The following HYKK variants were observed in gnomAD, a reference collection of about 807,000 sequenced individuals.
HYKK encodes hydroxylysine kinase.
In HYKK, 19 loss-of-function variants were observed where a neutral mutation model predicts 29.7. The observed-to-expected ratio is 0.64, with a 90% CI of 0.45 to 0.94. The LOEUF (loss-of-function observed/expected upper bound fraction) is 0.94, where lower values mean the gene tolerates loss of function less well. HYKK is among the 40% of genes least tolerant of loss of function. HYKK has a pLI of 0.00. For synonymous variants in HYKK, 152 were observed against 158.1 expected (o/e 0.96, Z 0.29); for missense variants, 390 against 443.4 (o/e 0.88, Z 1.08).
intron 4 of HYKK, chr15:78,528,884 C>A: frequency 1.0e-6 from 1 of 976,640 alleles, no homozygotes; most frequent in Non-Finnish European, 1.2e-6. Flanking sequence ...TGTTTCCTTA[C>A]TCCGTGTAAA....
At chr15:78,508,556 G>C (rs1312415325) in intron 1 of HYKK, among the ~76,000 whole-genome samples, 1 of 152,092 alleles carries the variant, frequency 6.6e-6, no homozygotes, top group Admixed American at 6.6e-5. Flanking sequence ...GCAGATCTTG[G>C]AGTTGGAAAT....
chr15:78,529,313 G>C lies in HYKK; in HGVS notation c.661+1750G>C, dbSNP rs936017141. On this transcript the variant is annotated intron_variant, in intron 4 of 4. Transcript: ENST00000388988. ...ACCACACATTATTCTACTCTTAAAAGATACTTGGGTTGTTCCTTATTTGGG... is the reference window on the plus strand; with the variant it reads ...ACCACACATTATTCTACTCTTAAAACATACTTGGGTTGTTCCTTATTTGGG... 3.9e-5 allele frequency among the ~76,000 whole-genome samples: 6 copies of C among 152,228 alleles called. No individual in the cohort carries two copies. In the East Asian group the frequency reaches 1.2e-3, roughly 29 times the overall value.
chr15:78,526,354 T>C (rs1487590379), intron 3 of HYKK, among the ~76,000 whole-genome samples: 10 of 152,024 alleles, frequency 6.6e-5, no homozygotes, highest in Non-Finnish European at 1.3e-4. Context: ...CTATGACAAA[T>C]GTTAGCAATA....
chr15:78,519,760 CAAAAAA>C (rs1246047867), intron 3 of HYKK, among the ~76,000 whole-genome samples: 3 of 151,298 alleles, frequency 2.0e-5, no homozygotes, highest in Non-Finnish European at 2.9e-5. Context: ...GACAACGTCT[CAAAAAA>C]AACAAAAACA....
At chr15:78,516,138 G>C (rs528658838) in intron 3 of HYKK, among the ~76,000 whole-genome samples, 1 of 151,926 alleles carries the variant, frequency 6.6e-6, no homozygotes, top group Non-Finnish European at 1.5e-5. Context: ...ACAATATAAT[G>C]TATGACAGGT....
chr15:78,531,486 A>G (rs1050336524), intron 4 of HYKK, among the ~76,000 whole-genome samples: 4 of 152,074 alleles, frequency 2.6e-5, no homozygotes, highest in African/African-American at 4.8e-5. Flanking sequence ...ATGATTACAG[A>G]TTGCCTATTT....
At chr15:78,527,622 A>G in intron 4 of HYKK, 59 bp downstream of exon 4, 1 of 1,591,934 alleles carries the variant, frequency 6.3e-7, no homozygotes, top group Non-Finnish European at 8.6e-7. Context: ...ATTTCATATC[A>G]TCAGAAAAGT....
chr15:78,521,103 T>C (rs575077521), intron 3 of HYKK, among the ~76,000 whole-genome samples: 84 of 152,328 alleles, frequency 5.5e-4, no homozygotes, highest in African/African-American at 1.9e-3. Flanking sequence ...TGGCCGAGGC[T>C]GTGGCTGCTC....
Position 78,533,715 on chromosome 15 carries a change from T to G in HYKK, c.*45T>G. 7.2e-7 allele frequency: 1 copy of G among 1,393,502 alleles called. No individual in the cohort carries two copies. The highest frequency in any genetic ancestry group is 1.0e-6 in the Non-Finnish European group (1 of 993,746). 86.3% of individuals were successfully genotyped at this position (1,393,502 alleles called of 1,614,324 possible). A position where few individuals can be genotyped will look rare whatever the true frequency, so the allele number is the denominator to read the frequency against. On this transcript the variant is annotated 3_prime_UTR_variant, in exon 5 of 5. Transcript: ENST00000388988. The stretch of plus-strand genomic sequence containing the variant: ...CAAAGTTCACTTTAACTTGGGTAAT[T>G]AAAATAGGACCCAGTCAAATTTTAG...
chr15:78,533,977 TTAA>T lies in HYKK; in HGVS notation c.*309_*311del, dbSNP rs1206405718. 3.9e-6 allele frequency: 1 copy of T among 256,124 alleles called. No individual in the cohort carries two copies. The highest frequency in any genetic ancestry group is 7.4e-6 in the Non-Finnish European group (1 of 134,928). The allele number at this position is 256,124 out of a possible 1,614,324, so 15.9% of individuals were successfully genotyped here. ...CACAAGATCTATTCCTGCCCTGAGA[TTAA>T]TGACTATTTTAATTTTAAAAATAAT... On this transcript the variant is annotated 3_prime_UTR_variant, in exon 5 of 5. Coordinates refer to ENST00000388988, the MANE Select transcript of HYKK (RefSeq NM_001013619.4).
At chr15:78,530,310 C>T (rs562659201) in intron 4 of HYKK, among the ~76,000 whole-genome samples, 68 of 151,846 alleles carry the variant, frequency 4.5e-4, no homozygotes, top group Non-Finnish European at 8.5e-4. Flanking sequence ...AAGAGATTCT[C>T]CTGCTGCAGC....
intron 3 of HYKK, 35 bp from the exon 4 acceptor site, chr15:78,527,345 G>T: frequency 6.4e-7 from 1 of 1,563,178 alleles, no homozygotes; most frequent in Non-Finnish European, 8.8e-7. Flanking sequence ...TGGTTGCTCT[G>T]TCAAGAGACT....
chr15:78,527,348 A>C, intron 3 of HYKK, 32 bp from the exon 4 acceptor site: 1 of 1,606,854 alleles, frequency 6.2e-7, no homozygotes, highest in Non-Finnish European at 8.5e-7. Flanking sequence ...TTGCTCTGTC[A>C]AGAGACTAAG....
intron 3 of HYKK, among the ~76,000 whole-genome samples, chr15:78,523,550 T>G (rs1459752195): frequency 6.6e-6 from 1 of 152,196 alleles, no homozygotes; most frequent in Non-Finnish European, 1.5e-5. Flanking sequence ...TGTCATGTCC[T>G]TCTTCCAATG....
At chr15:78,529,412 C>T (rs1242449224) in intron 4 of HYKK, among the ~76,000 whole-genome samples, 2 of 152,108 alleles carry the variant, frequency 1.3e-5, no homozygotes, top group Non-Finnish European at 2.9e-5. Flanking sequence ...GAGTGTATAC[C>T]TTGCGATAGG....
chr15:78,533,867 C>T lies in HYKK; in HGVS notation c.*197C>T. On this transcript the variant is annotated 3_prime_UTR_variant, in exon 5 of 5. Coordinates refer to ENST00000388988, the MANE Select transcript of HYKK (RefSeq NM_001013619.4). ...CAATTTTTTAAAATTCACAAAAGTA[C>T]CACAAGCAAGCATATTTTTCTGTGA... 1 of 574,874 alleles carries T rather than the reference C, an allele frequency of 1.7e-6. No homozygotes were observed. The highest frequency in any genetic ancestry group is 3.1e-6 in the Non-Finnish European group (1 of 326,456). 35.6% of individuals were successfully genotyped at this position (574,874 alleles called of 1,614,324 possible).
At chr15:78,528,976 A>G (rs1216570203) in intron 4 of HYKK, among the ~76,000 whole-genome samples, 2 of 152,192 alleles carry the variant, frequency 1.3e-5, no homozygotes, top group African/African-American at 4.8e-5. Flanking sequence ...TCATCTCATT[A>G]AAGTTGTATC....
chr15:78,523,463 C>T (rs895129989), intron 3 of HYKK, among the ~76,000 whole-genome samples: 4 of 152,192 alleles, frequency 2.6e-5, no homozygotes, highest in Non-Finnish European at 4.4e-5. Context: ...ACCTCCAATA[C>T]TGGGGATTAC....
intron 3 of HYKK, among the ~76,000 whole-genome samples, chr15:78,520,502 C>G (rs2052181632): frequency 2.0e-5 from 3 of 152,112 alleles, no homozygotes; most frequent in Admixed American, 1.3e-4. Flanking sequence ...CGCCCTTAAT[C>G]CATTTAACCC....
Sources: gnomAD v4.1 joint callset for allele counts (sites outside exome capture counted in the v4.1 genomes callset) on GRCh38, gnomAD v4.1.1 for gene constraint, MANE v1.5 for transcripts, NCBI Gene and HGNC (gene_info 2026-07-23, HGNC 2026-07-21) for gene names.